Variants in LSAMP observed in about 807,000 individuals in gnomAD.
LSAMP encodes the protein limbic system-associated membrane protein.
In LSAMP, 7 loss-of-function variants were observed where a neutral mutation model predicts 38.6. That is an observed-to-expected ratio of 0.18 (90% CI 0.10 to 0.34). The LOEUF (loss-of-function observed/expected upper bound fraction) is 0.34. Among genes scored for constraint, LSAMP ranks in the 10% least tolerant of loss-of-function variants. The pLI is 1.00. For synonymous variants in LSAMP, 154 were observed against 166.8 expected (o/e 0.92, Z 0.59); for missense variants, 313 against 420.0 (o/e 0.75, Z 2.23).
At chr3:116,316,086 G>A (rs1183129399) in intron 1 of LSAMP, among the ~76,000 whole-genome samples, 2 of 152,206 alleles carry the variant, frequency 1.3e-5, no homozygotes, top group Admixed American at 1.3e-4. Context: ...TCACAGAAGT[G>A]AGACATCCAC....
intron 2 of LSAMP, among the ~76,000 whole-genome samples, chr3:116,083,519 C>T (rs1707916607): frequency 6.6e-6 from 1 of 152,130 alleles, no homozygotes; most frequent in South Asian, 2.1e-4. Flanking sequence ...TCTGCAGAGC[C>T]CACCTTCTAA....
At chr3:116,076,468 A>C (rs922733520) in intron 2 of LSAMP, among the ~76,000 whole-genome samples, 1 of 152,120 alleles carries the variant, frequency 6.6e-6, no homozygotes, top group Non-Finnish European at 1.5e-5. Context: ...TGTGTTAGCC[A>C]GGATGGTCTC....
At chr3:115,857,195 C>T (rs1487855716) in intron 3 of LSAMP, among the ~76,000 whole-genome samples, 1 of 152,172 alleles carries the variant, frequency 6.6e-6, no homozygotes, top group African/African-American at 2.4e-5. Context: ...AGTGCCGTTT[C>T]TTGTTTTAAG....
intron 3 of LSAMP, among the ~76,000 whole-genome samples, chr3:115,947,904 G>A (rs1466847436): frequency 6.6e-6 from 1 of 152,150 alleles, no homozygotes; most frequent in African/African-American, 2.4e-5. Context: ...CTGGCTGATG[G>A]GAGGGCCACT....
At chr3:116,373,806 C>G (rs936520864) in intron 1 of LSAMP, among the ~76,000 whole-genome samples, 1 of 151,814 alleles carries the variant, frequency 6.6e-6, no homozygotes, top group African/African-American at 2.4e-5. Flanking sequence ...ATGGAAGGAT[C>G]TGGATTCCCA....
chr3:116,236,373 A>T (rs2046465854), intron 1 of LSAMP, among the ~76,000 whole-genome samples: 2 of 152,282 alleles, frequency 1.3e-5, no homozygotes, highest in South Asian at 4.1e-4. Flanking sequence ...AGGTTCAACT[A>T]TAAGGTTTCC....
intron 1 of LSAMP, among the ~76,000 whole-genome samples, chr3:116,117,182 T>A (rs1462590803): frequency 6.6e-6 from 1 of 152,232 alleles, no homozygotes; most frequent in Non-Finnish European, 1.5e-5. Flanking sequence ...ATGCAACTTA[T>A]ATAATTATTT....
chr3:115,846,879 G>A (rs749873607), intron 4 of LSAMP, among the ~76,000 whole-genome samples: 1 of 152,148 alleles, frequency 6.6e-6, no homozygotes, highest in Non-Finnish European at 1.5e-5. Context: ...ATATAAACCT[G>A]TATTAGGAAT....
At chr3:116,108,788 G>C (rs916700327) in intron 1 of LSAMP, among the ~76,000 whole-genome samples, 1 of 152,202 alleles carries the variant, frequency 6.6e-6, no homozygotes, top group African/African-American at 2.4e-5. Context: ...GCAAGCTCCT[G>C]GGGGAGGAGG....
intron 1 of LSAMP, among the ~76,000 whole-genome samples, chr3:116,259,649 G>A (rs1388545676): frequency 6.6e-6 from 1 of 152,168 alleles, no homozygotes; most frequent in Non-Finnish European, 1.5e-5. Context: ...ATAAATGTGT[G>A]ATGTGTGTAG....
At chr3:115,882,373 A>G (rs1300689923) in intron 3 of LSAMP, among the ~76,000 whole-genome samples, 1 of 152,080 alleles carries the variant, frequency 6.6e-6, no homozygotes, top group Non-Finnish European at 1.5e-5. Flanking sequence ...AATCTTTCCA[A>G]TAAGATTGTC....
chr3:116,062,492 G>A (rs1427511531), intron 2 of LSAMP, among the ~76,000 whole-genome samples: 1 of 151,870 alleles, frequency 6.6e-6, no homozygotes, highest in Non-Finnish European at 1.5e-5. Context: ...CTCCAACTTG[G>A]GCGACAGAGC....
rs74570741 is a variant in LSAMP at position 116,079,875 on chromosome 3, C to T, written c.388+6449G>A. 2.6e-3 allele frequency among the ~76,000 whole-genome samples: 396 copies of T among 151,862 alleles called. 1 individual carries two copies. The highest frequency in any genetic ancestry group is 9.2e-3 in the African/African-American group (381 of 41,432). On this transcript the variant is annotated intron_variant, in intron 2 of 6. Coordinates refer to ENST00000490035, the MANE Select transcript of LSAMP (RefSeq NM_002338.5). Reference sequence around the variant, plus strand: ...TTAAATACATAAATTCAAAAAATTGCCTTTAATATTTTTAAGAGTACATTT... The same window carrying T: ...TTAAATACATAAATTCAAAAAATTGTCTTTAATATTTTTAAGAGTACATTT...
At chr3:116,272,190 T>C (rs1576473589) in intron 1 of LSAMP, among the ~76,000 whole-genome samples, 1 of 152,158 alleles carries the variant, frequency 6.6e-6, no homozygotes, top group Non-Finnish European at 1.5e-5. Context: ...AAACTATGTA[T>C]GTGCGAATAA....
intron 2 of LSAMP, among the ~76,000 whole-genome samples, chr3:116,020,688 ACGT>A (rs1940613837): frequency 6.6e-6 from 1 of 152,336 alleles, no homozygotes; most frequent in South Asian, 2.1e-4. Flanking sequence ...ATTAGATCAC[ACGT>A]CGGTAGGCTT....
intron 1 of LSAMP, among the ~76,000 whole-genome samples, chr3:116,321,234 T>A (rs1160120211): frequency 1.3e-5 from 2 of 151,704 alleles, no homozygotes; most frequent in Non-Finnish European, 2.9e-5. Context: ...AATAGCTGGG[T>A]TTGTGGTGCA....
intron 3 of LSAMP, among the ~76,000 whole-genome samples, chr3:115,933,257 G>A (rs1199495856): frequency 6.6e-6 from 1 of 152,160 alleles, no homozygotes; most frequent in Non-Finnish European, 1.5e-5. Context: ...CTCTACAGTG[G>A]TGATTTTGAA....
At chr3:115,932,974 G>A (rs114135413) in intron 3 of LSAMP, among the ~76,000 whole-genome samples, 472 of 152,246 alleles carry the variant, frequency 3.1e-3, no homozygotes, top group African/African-American at 0.011. Context: ...GGAGGGAAGC[G>A]AAACTGAACT....
rs902631698 is a variant in LSAMP, at chr3:115,841,758, T to C, written c.919+87A>G. On this transcript the variant is annotated intron_variant, in intron 6 of 6. Transcript: ENST00000490035. ...TCCTTATTTGTTTTTAAGTGAACTT[T>C]TAATAGCTAAGGGAATGGTTTTCAC... 6.1e-6 allele frequency: 9 copies of C among 1,481,382 alleles called. No homozygotes were observed. The African/African-American group carries it at 1.3e-4, about 21-fold the overall frequency. 91.8% of individuals were successfully genotyped at this position (1,481,382 alleles called of 1,614,324 possible). A position where few individuals can be genotyped will look rare whatever the true frequency, so the allele number is the denominator to read the frequency against.
Sources: allele counts gnomAD v4.1 joint callset (sites outside exome capture counted in the v4.1 genomes callset), GRCh38; gene constraint gnomAD v4.1.1; transcripts MANE v1.5; gene names NCBI Gene and HGNC (gene_info 2026-07-23, HGNC 2026-07-21).